Variants in WIPF1 observed in about 807,000 individuals in gnomAD.
WIPF1 encodes the protein WAS/WASL interacting protein family member 1.
WIPF1 carries 13 observed loss-of-function variants against 35.4 expected under a neutral mutation model. The observed-to-expected ratio is 0.37, with a 90% CI of 0.24 to 0.58. The LOEUF is 0.58. Ranked by LOEUF, WIPF1 falls within the 20% of genes least tolerant of loss-of-function variation. WIPF1 has a pLI of 0.74. For synonymous variants in WIPF1, 267 were observed against 266.3 expected (o/e 1.00, Z -0.02); for missense variants, 591 against 667.0 (o/e 0.89, Z 1.25).
chr2:174,672,139 G>T (rs1310336039), intron 1 of WIPF1, among the ~76,000 whole-genome samples: 3 of 151,970 alleles, frequency 2.0e-5, no homozygotes, highest in Admixed American at 1.3e-4. Flanking sequence ...CCACCACTTA[G>T]GAAAACAAAA....
intron 3 of WIPF1, among the ~76,000 whole-genome samples, chr2:174,578,979 G>A (rs1309341316): frequency 6.6e-6 from 1 of 152,156 alleles, no homozygotes; most frequent in East Asian, 1.9e-4. Flanking sequence ...TGAAACTTTA[G>A]AGGGACTCCT....
At chr2:174,585,403 C>G (rs778708431) in intron 2 of WIPF1, 120 bp downstream of exon 2, 1 of 1,036,092 alleles carries the variant, frequency 9.7e-7, no homozygotes, top group Non-Finnish European at 1.5e-6. Context: ...ACTGGGAAAG[C>G]CTGTTGTATC....
At chr2:174,596,823 C>A (rs954662342) in intron 1 of WIPF1, among the ~76,000 whole-genome samples, 1 of 152,094 alleles carries the variant, frequency 6.6e-6, no homozygotes, top group Non-Finnish European at 1.5e-5. Flanking sequence ...TATTTCTTCA[C>A]GGGGAGAAAG....
intron 1 of WIPF1, among the ~76,000 whole-genome samples, chr2:174,607,100 T>C (rs1686189562): frequency 6.6e-6 from 1 of 152,112 alleles, no homozygotes; most frequent in South Asian, 2.1e-4. Flanking sequence ...AGGACATTAA[T>C]TCATTTATAA....
chr2:174,680,356 GC>G (rs969914474), intron 1 of WIPF1, among the ~76,000 whole-genome samples: 71 of 152,310 alleles, frequency 4.7e-4, no homozygotes, highest in African/African-American at 1.6e-3. Flanking sequence ...AGCCTACCAA[GC>G]CTTCAAGAAC....
chr2:174,562,134 C>A lies in WIPF1; in HGVS notation c.*413G>T, dbSNP rs978595420. On this transcript the variant is annotated 3_prime_UTR_variant, in exon 8 of 8. Transcript: ENST00000679041. ...CAGCTTGCTTAGGTGGTCTGTGGTT[C>A]ATAGAAACAGAGAGGAGGCCAAGCA... 2 of 1,550,386 alleles carry A rather than the reference C, an allele frequency of 1.3e-6. No individual in the cohort carries two copies. The highest frequency in any genetic ancestry group is 2.7e-5 in the African/African-American group (2 of 73,000).
Position 174,682,243 on chromosome 2 carries a change from G to C in WIPF1, c.-39+531C>G, listed in dbSNP as rs1225440973. ...CCGACCTGGGGCGAGCGGGCCGCCC[G>C]GGAGGGCCGGGAGGGAGGCGGGCTG... On this transcript the variant is annotated intron_variant, in intron 1 of 8. Transcript: ENST00000272746. 6.6e-5 allele frequency among the ~76,000 whole-genome samples: 10 copies of C among 152,288 alleles called. No individual in the cohort carries two copies. In the South Asian group the frequency reaches 1.0e-3, roughly 16 times the overall value.
chr2:174,619,211 G>A (rs184030197), intron 1 of WIPF1, among the ~76,000 whole-genome samples: 1 of 152,242 alleles, frequency 6.6e-6, no homozygotes, highest in Non-Finnish European at 1.5e-5. Context: ...AGCCTCCAAA[G>A]CATGAATGTA....
chr2:174,645,474 A>G (rs1687387383), intron 1 of WIPF1, among the ~76,000 whole-genome samples: 1 of 152,208 alleles, frequency 6.6e-6, no homozygotes, highest in African/African-American at 2.4e-5. Context: ...ATGTACGTCA[A>G]ATGGTCCAGC....
intron 1 of WIPF1, among the ~76,000 whole-genome samples, chr2:174,627,180 C>T (rs1686865448): frequency 6.6e-6 from 1 of 152,200 alleles, no homozygotes. Context: ...CGCTAGACTT[C>T]TTTCTCCACA....
intron 1 of WIPF1, among the ~76,000 whole-genome samples, chr2:174,667,994 C>A (rs1687928647): frequency 6.6e-6 from 1 of 152,154 alleles, no homozygotes; most frequent in African/African-American, 2.4e-5. Context: ...GCAAACTCTA[C>A]AGGACAGCTA....
intron 1 of WIPF1, among the ~76,000 whole-genome samples, chr2:174,628,672 CT>C (rs935408112): frequency 2.6e-5 from 4 of 152,242 alleles, no homozygotes; most frequent in Non-Finnish European, 4.4e-5. Flanking sequence ...GGTGCACCTA[CT>C]TTCAGATTCC....
intron 1 of WIPF1, among the ~76,000 whole-genome samples, chr2:174,588,235 A>C (rs898824125): frequency 5.3e-5 from 8 of 152,206 alleles, no homozygotes; most frequent in African/African-American, 1.7e-4. Context: ...CGGTGGGCCC[A>C]AGAGATGGGC....
At chr2:174,638,326 A>G (rs1031488414) in intron 1 of WIPF1, among the ~76,000 whole-genome samples, 9 of 152,218 alleles carry the variant, frequency 5.9e-5, no homozygotes, top group Non-Finnish European at 5.9e-5. Context: ...ATTTTGATAC[A>G]TATCTATATT....
intron 1 of WIPF1, among the ~76,000 whole-genome samples, chr2:174,649,728 C>G (rs1381664549): frequency 6.6e-6 from 1 of 152,136 alleles, no homozygotes; most frequent in Non-Finnish European, 1.5e-5. Context: ...TTTCCTGAGC[C>G]TCTCCTGTGT....
At chr2:174,650,249 G>A (rs1687507751) in intron 1 of WIPF1, among the ~76,000 whole-genome samples, 1 of 152,094 alleles carries the variant, frequency 6.6e-6, no homozygotes, top group Admixed American at 6.6e-5. Flanking sequence ...TTCTGGGTGG[G>A]GAAAATGGTC....
intron 1 of WIPF1, chr2:174,677,171 T>C (rs1210759981): frequency 1.3e-5 from 2 of 152,140 alleles, no homozygotes; most frequent in Non-Finnish European, 2.9e-5. Context: ...AAAGTCATCT[T>C]ATATACATCA....
intron 1 of WIPF1, among the ~76,000 whole-genome samples, chr2:174,611,262 T>C (rs1686335626): frequency 6.6e-6 from 1 of 152,050 alleles, no homozygotes; most frequent in Non-Finnish European, 1.5e-5. Flanking sequence ...CTCACCAAGA[T>C]CACTGTCAGA....
chr2:174,675,622 G>A (rs1688112571), intron 1 of WIPF1, among the ~76,000 whole-genome samples: 1 of 152,098 alleles, frequency 6.6e-6, no homozygotes, highest in African/African-American at 2.4e-5. Flanking sequence ...TCAAAGTGCT[G>A]GGATTACAGG....
Sources: allele counts gnomAD v4.1 joint callset (sites outside exome capture counted in the v4.1 genomes callset), GRCh38; gene constraint gnomAD v4.1.1; transcripts MANE v1.5; gene names NCBI Gene and HGNC (gene_info 2026-07-23, HGNC 2026-07-21).